The following INSIG1 variants were observed in gnomAD, a reference collection of about 807,000 sequenced individuals.
INSIG1 encodes insulin induced gene 1.
In INSIG1, 14 loss-of-function variants were observed where a neutral mutation model predicts 26.5. The ratio of observed to expected loss-of-function variants is 0.53; its 90% CI spans 0.35 to 0.83. The LOEUF is 0.83. INSIG1 is among the 40% of genes least tolerant of loss of function. The pLI is 0.01. For synonymous variants in INSIG1, 147 were observed against 153.3 expected (o/e 0.96, Z 0.30); for missense variants, 272 against 368.9 (o/e 0.74, Z 2.15).
At chr7:155,307,299 A>C (rs1020124631) in intron 5 of INSIG1, among the ~76,000 whole-genome samples, 6 of 152,174 alleles carry the variant, frequency 3.9e-5, no homozygotes, top group African/African-American at 1.4e-4. Context: ...TGTTCAGATG[A>C]GAGGCTCTTG....
At chr7:155,298,220 T>C (rs891184279) in intron 1 of INSIG1, 39 bp from the exon 2 acceptor site, 305 of 1,383,010 alleles carry the variant, frequency 2.2e-4, no homozygotes, top group Non-Finnish European at 2.7e-4. Flanking sequence ...CCTCGCTCTT[T>C]GTCTCTTCTG....
In INSIG1 at chr7:155,302,867, A is replaced by T; in HGVS notation, c.804+21A>T. 1 of 1,493,426 alleles carries T rather than the reference A, an allele frequency of 6.7e-7. No homozygotes were observed. Among genetic ancestry groups the T allele is most frequent in the Non-Finnish European group, 9.3e-7 (1 of 1,070,808 alleles). The allele number at this position is 1,493,426 out of a possible 1,614,324, so 92.5% of individuals were successfully genotyped here. Reference sequence around the variant, plus strand: ...CTATGGTAAGTGAAATGATCATATTATCTTCTAAAACTTGCGTCTCTTTAC... The same window carrying T: ...CTATGGTAAGTGAAATGATCATATTTTCTTCTAAAACTTGCGTCTCTTTAC... On this transcript the variant is annotated intron_variant, in intron 5 of 5. Transcript: ENST00000340368. The surrounding 1 kb of genome is among the most constrained non-coding windows in gnomAD (Gnocchi z 4.3).
rs1414471835 is a variant in INSIG1, at chr7:155,308,229, T to TTC, written c.805-10_805-9dup. 7.0e-7 allele frequency: 1 copy of TTC among 1,430,012 alleles called. No individual in the cohort carries two copies. Among genetic ancestry groups the TTC allele is most frequent in the East Asian group, 2.3e-5 (1 of 43,820 alleles). The allele number at this position is 1,430,012 out of a possible 1,614,324, so 88.6% of individuals were successfully genotyped here. A position where few individuals can be genotyped will look rare whatever the true frequency, so the allele number is the denominator to read the frequency against. ...TTTTCTCTTTCCTTTTTTTTTTCCT[T>TTC]TCTACACATAGGGTGTTCCTGAAAA... On this transcript the variant is annotated splice_polypyrimidine_tract_variant and intron_variant, in intron 5 of 5. Coordinates refer to ENST00000340368, the MANE Select transcript of INSIG1 (RefSeq NM_005542.6).
chr7:155,306,869 C>G (rs1797950111), intron 5 of INSIG1, among the ~76,000 whole-genome samples: 1 of 152,232 alleles, frequency 6.6e-6, no homozygotes, highest in African/African-American at 2.4e-5. Flanking sequence ...GTCTGGGTTG[C>G]CATTTACAAT....
intron 5 of INSIG1, among the ~76,000 whole-genome samples, chr7:155,305,874 G>A (rs912577339): frequency 6.6e-6 from 1 of 152,176 alleles, no homozygotes; most frequent in Admixed American, 6.5e-5. Flanking sequence ...CAAGTTATAT[G>A]GTCTCCTAGC....
rs1395023583 is a variant in INSIG1 at position 155,302,299 on chromosome 7, C to T, written c.586C>T (p.Leu196=). The change falls in exon 4 of 6, where the codon CTA becomes TTA. Residue 196 remains leucine (L), a synonymous_variant. Transcript: ENST00000340368. The surrounding 1 kb of genome is among the most constrained non-coding windows in gnomAD (Gnocchi z 4.3). ...NVQLSLTLAA[L]SLGLWWTFDR... The stretch of plus-strand genomic sequence containing the variant: ...CCAGCTGTCCTTGACTTTAGCAGCC[C>T]TATCTTTGGGCCTTTGGTGGACATT... 6.2e-7 allele frequency: 1 copy of T among 1,604,102 alleles called. No homozygotes were observed. Among genetic ancestry groups the T allele is most frequent in the Non-Finnish European group, 8.5e-7 (1 of 1,175,902 alleles).
At chr7:155,304,037 C>T (rs1585205474) in intron 5 of INSIG1, 1 of 314,366 alleles carries the variant, frequency 3.2e-6, no homozygotes, top group East Asian at 8.9e-5. Context: ...CATCATAGCT[C>T]ACTGTAACCT....
At chr7:155,299,218 G>A (rs895713374) in intron 2 of INSIG1, among the ~76,000 whole-genome samples, 4 of 152,188 alleles carry the variant, frequency 2.6e-5, no homozygotes. Flanking sequence ...AGTAAACTGT[G>A]GTCTGAAGCC....
In INSIG1 at chr7:155,302,711, T is replaced by A. The variant is rs551141308; in HGVS notation, c.705-36T>A. 3 of 1,407,006 alleles carry A rather than the reference T, an allele frequency of 2.1e-6. No individual in the cohort carries two copies. The highest frequency in any genetic ancestry group is 3.0e-6 in the Non-Finnish European group (3 of 992,912). The allele number at this position is 1,407,006 out of a possible 1,614,324, so 87.2% of individuals were successfully genotyped here. A position where few individuals can be genotyped will look rare whatever the true frequency, so the allele number is the denominator to read the frequency against. Reference sequence around the variant, plus strand: ...TGATGTAGAATTGAGCCAGGTGAAATTGACTGCTAAGGTACAGTTTCTTTT... The same window carrying A: ...TGATGTAGAATTGAGCCAGGTGAAAATGACTGCTAAGGTACAGTTTCTTTT... On this transcript the variant is annotated intron_variant, in intron 4 of 5. Transcript: ENST00000340368. The surrounding 1 kb of genome is among the most constrained non-coding windows in gnomAD (Gnocchi z 4.3).
chr7:155,299,967 T>G (rs925823012), intron 2 of INSIG1, among the ~76,000 whole-genome samples: 15 of 151,958 alleles, frequency 9.9e-5, no homozygotes, highest in African/African-American at 3.6e-4. Context: ...GGCTCCGTGT[T>G]GAAGAACTAG....
chr7:155,305,174 A>G (rs192377678), intron 5 of INSIG1, among the ~76,000 whole-genome samples: 114 of 150,646 alleles, frequency 7.6e-4, no homozygotes, highest in African/African-American at 2.4e-3. Context: ...TGGAGAAGAG[A>G]GATCACCACC....
intron 2 of INSIG1, among the ~76,000 whole-genome samples, chr7:155,299,131 A>C (rs1267926935): frequency 6.6e-6 from 1 of 152,184 alleles, no homozygotes; most frequent in African/African-American, 2.4e-5. Flanking sequence ...GATAACTGAA[A>C]ACAAACCCGT....
chr7:155,303,735 C>A, intron 5 of INSIG1: 1 of 573,868 alleles, frequency 1.7e-6, no homozygotes, highest in Non-Finnish European at 2.8e-6. Flanking sequence ...ACAACAAAAA[C>A]CTAGAGCTGT....
rs1797816677 is a variant in INSIG1, at chr7:155,302,479, A to G, written c.704+62A>G. 1 of 1,400,144 alleles carries G rather than the reference A, an allele frequency of 7.1e-7. No homozygotes were observed. The highest frequency in any genetic ancestry group is 9.7e-7 in the Non-Finnish European group (1 of 1,034,886). 86.7% of individuals were successfully genotyped at this position (1,400,144 alleles called of 1,614,324 possible). On this transcript the variant is annotated intron_variant, in intron 4 of 5. Transcript: ENST00000340368. The surrounding 1 kb of genome is among the most constrained non-coding windows in gnomAD (Gnocchi z 4.3). ...TTACTTAACTTTCATTAAAACATCC[A>G]CTAAGCTTAGATATTTTCATATTTT...
chr7:155,300,596 C>T (rs552546821), intron 2 of INSIG1, among the ~76,000 whole-genome samples: 21 of 152,194 alleles, frequency 1.4e-4, no homozygotes, highest in African/African-American at 4.6e-4. Flanking sequence ...CCCCACGGGC[C>T]GGCACCCCAC....
In INSIG1 at chr7:155,304,177, C is replaced by T. The variant is rs548966756; in HGVS notation, c.804+1331C>T. On this transcript the variant is annotated intron_variant, in intron 5 of 5. Coordinates refer to ENST00000340368, the MANE Select transcript of INSIG1 (RefSeq NM_005542.6). ...TGTTATCTCCCTGCCTTGTCCAGGC[C>T]GGGCTCGAACTCGTGGGCTCAAGCC... Among the ~76,000 whole-genome samples, 77 of 152,076 alleles carry T rather than the reference C, an allele frequency of 5.1e-4. 1 individual carries two copies. Among genetic ancestry groups the T allele is most frequent in the Non-Finnish European group, 8.8e-4 (60 of 68,024 alleles).
chr7:155,302,737 C>T lies in INSIG1; in HGVS notation c.705-10C>T. On this transcript the variant is annotated splice_polypyrimidine_tract_variant and intron_variant, in intron 4 of 5. Coordinates refer to ENST00000340368, the MANE Select transcript of INSIG1 (RefSeq NM_005542.6). This position sits in a 1 kb window ranked among gnomAD's most constrained non-coding sequence, Gnocchi z 4.3. The stretch of plus-strand genomic sequence containing the variant: ...TGACTGCTAAGGTACAGTTTCTTTT[C>T]TCGCTCCAGGTATACATCCCCAGAT... The T allele has an allele frequency of 6.4e-7, 1 of 1,570,318 alleles. No individual in the cohort carries two copies. The highest frequency in any genetic ancestry group is 8.8e-7 in the Non-Finnish European group (1 of 1,140,810).
intron 1 of INSIG1, 71 bp from the exon 2 acceptor site, chr7:155,298,188 G>A (rs1348367576): frequency 1.1e-5 from 14 of 1,272,622 alleles, no homozygotes; most frequent in African/African-American, 1.6e-5. Flanking sequence ...CGGGTGCCGG[G>A]GTTCGCGTCC....
rs1434744508 is a variant in INSIG1, at chr7:155,298,365, C to T, written c.80C>T (p.Ala27Val). 1 of 1,523,188 alleles carries T rather than the reference C, an allele frequency of 6.6e-7. No homozygotes were observed. Among genetic ancestry groups the T allele is most frequent in the Non-Finnish European group, 8.8e-7 (1 of 1,142,484 alleles). The allele number at this position is 1,523,188 out of a possible 1,614,324, so 94.4% of individuals were successfully genotyped here. A position where few individuals can be genotyped will look rare whatever the true frequency, so the allele number is the denominator to read the frequency against. Residue 27 changes from alanine (A) to valine (V), a missense_variant, in exon 2 of 6, where the codon GCC becomes GTC. By Grantham distance (64) the Ala-to-Val change is moderately conservative. Coordinates refer to ENST00000340368, the MANE Select transcript of INSIG1 (RefSeq NM_005542.6). ...CGCCGAGGCCCCCCGCGAGCCAGCG[C>T]CGCGGGGCTGGCGGCCAAGGTTGGG... ...ARRRGPPRAS[A>V]AGLAAKVGEM...
Sources: gnomAD v4.1 joint callset for allele counts (sites outside exome capture counted in the v4.1 genomes callset) on GRCh38, gnomAD v4.1.1 for gene constraint, Gnocchi (gnomAD v3.1) non-coding constraint, MANE v1.5 for transcripts, NCBI Gene and HGNC (gene_info 2026-07-23, HGNC 2026-07-21) for gene names.